NRXN3: variants seen among roughly 807,000 people sequenced by gnomAD.
NRXN3 encodes neurexin III.
Under a neutral mutation model 137.6 loss-of-function variants are expected in NRXN3, and 32 were observed. The ratio of observed to expected loss-of-function variants is 0.23; its 90% CI spans 0.18 to 0.31. The LOEUF (loss-of-function observed/expected upper bound fraction) is 0.31. NRXN3 is among the 10% of genes least tolerant of loss of function. The pLI, the probability that NRXN3 is intolerant of heterozygous loss-of-function variation, is 1.00. For synonymous variants in NRXN3, 798 were observed against 784.5 expected, an observed-to-expected ratio of 1.02 and a Z score of -0.29; for missense variants, 1,574 against 2,062.5, an observed-to-expected ratio of 0.76 and a Z score of 4.59.
intron 15 of NRXN3, among the ~76,000 whole-genome samples, chr14:79,071,125 C>A (rs756318117): frequency 6.6e-6 from 1 of 150,410 alleles, no homozygotes; most frequent in Non-Finnish European, 1.5e-5. Flanking sequence ...CTATCAAATA[C>A]CCCTAAGTAT....
At chr14:78,412,794 TG>T (rs762678721) in intron 4 of NRXN3, among the ~76,000 whole-genome samples, 5 of 152,164 alleles carry the variant, frequency 3.3e-5, no homozygotes, top group African/African-American at 4.8e-5. Flanking sequence ...CTGCATCCCC[TG>T]TAGTTTCATT....
chr14:79,034,253 G>T (rs1200951174), intron 15 of NRXN3, among the ~76,000 whole-genome samples: 4 of 151,666 alleles, frequency 2.6e-5, no homozygotes, highest in African/African-American at 9.7e-5. Flanking sequence ...TTCAAAAATA[G>T]AAACTTTTTA....
At chr14:78,377,807 T>G (rs2088180416) in intron 4 of NRXN3, among the ~76,000 whole-genome samples, 1 of 152,202 alleles carries the variant, frequency 6.6e-6, no homozygotes, top group Non-Finnish European at 1.5e-5. Context: ...TTAAAAGATT[T>G]TGTCTCCAAA....
At chr14:78,861,339 T>C (rs2099071872) in intron 10 of NRXN3, among the ~76,000 whole-genome samples, 1 of 152,184 alleles carries the variant, frequency 6.6e-6, no homozygotes, top group African/African-American at 2.4e-5. Context: ...TATCTATATA[T>C]ACCAATAAAC....
At chr14:79,612,673 G>A (rs995740210) in intron 16 of NRXN3, among the ~76,000 whole-genome samples, 5 of 152,044 alleles carry the variant, frequency 3.3e-5, no homozygotes, top group African/African-American at 1.2e-4. Flanking sequence ...ACACAGTGAG[G>A]CATGCATCTC....
chr14:79,499,242 A>G (rs960674391), intron 16 of NRXN3, among the ~76,000 whole-genome samples: 22 of 152,148 alleles, frequency 1.4e-4, no homozygotes, highest in African/African-American at 5.1e-4. Context: ...CTCCTCGTCT[A>G]CCACTTTCCT....
At chr14:79,074,269 AT>A (rs1454649727) in intron 15 of NRXN3, among the ~76,000 whole-genome samples, 1 of 152,178 alleles carries the variant, frequency 6.6e-6, no homozygotes, top group Non-Finnish European at 1.5e-5. Context: ...TGCCCAATGT[AT>A]TTCAAAGGGT....
At chr14:78,592,799 G>A (rs2097128017) in intron 4 of NRXN3, among the ~76,000 whole-genome samples, 1 of 152,136 alleles carries the variant, frequency 6.6e-6, no homozygotes, top group Admixed American at 6.5e-5. Context: ...CGTGACAACT[G>A]GGGACTCGAT....
chr14:78,559,038 T>G (rs2096763718), intron 4 of NRXN3, among the ~76,000 whole-genome samples: 1 of 152,218 alleles, frequency 6.6e-6, no homozygotes, highest in African/African-American at 2.4e-5. Flanking sequence ...CTTTTGACCT[T>G]GGGTGAAGAG....
At chr14:79,673,186 G>A (rs749455468) in intron 17 of NRXN3, among the ~76,000 whole-genome samples, 12 of 152,140 alleles carry the variant, frequency 7.9e-5, no homozygotes, top group Non-Finnish European at 1.6e-4. Context: ...GGACAAAGCG[G>A]CACTTTGAGT....
At chr14:79,482,425 C>A (rs1364558953) in intron 16 of NRXN3, among the ~76,000 whole-genome samples, 2 of 152,110 alleles carry the variant, frequency 1.3e-5, no homozygotes, top group Non-Finnish European at 2.9e-5. Flanking sequence ...TGACTGTAAT[C>A]AAAAAAGCAC....
chr14:78,389,469 T>A (rs926740011), intron 4 of NRXN3, among the ~76,000 whole-genome samples: 8 of 152,212 alleles, frequency 5.3e-5, no homozygotes, highest in Admixed American at 2.6e-4. Flanking sequence ...CCTTCATTAC[T>A]GCTGAGGGGT....
At chr14:78,969,665 G>A (rs760664209) in intron 14 of NRXN3, among the ~76,000 whole-genome samples, 1 of 152,186 alleles carries the variant, frequency 6.6e-6, no homozygotes, top group Non-Finnish European at 1.5e-5. Context: ...CTGACTTGGA[G>A]TTATGGAAAT....
intron 7 of NRXN3, among the ~76,000 whole-genome samples, chr14:78,713,172 T>TC (rs1330009902): frequency 1.3e-5 from 2 of 152,212 alleles, no homozygotes; most frequent in African/African-American, 4.8e-5. Flanking sequence ...AGGACTAGAA[T>TC]CCCTGCTCTC....
chr14:78,268,022 G>A (rs2072075545), intron 2 of NRXN3, among the ~76,000 whole-genome samples: 1 of 152,194 alleles, frequency 6.6e-6, no homozygotes, highest in Non-Finnish European at 1.5e-5. Flanking sequence ...GTGGTAAATT[G>A]TAAACCTCCC....
chr14:78,775,078 G>A (rs1298091221), intron 8 of NRXN3, among the ~76,000 whole-genome samples: 3 of 152,044 alleles, frequency 2.0e-5, no homozygotes, highest in East Asian at 3.9e-4. Flanking sequence ...TATCCTGAAG[G>A]TATTTATTTT....
At chr14:78,636,548 T>G (rs1345308928) in intron 4 of NRXN3, among the ~76,000 whole-genome samples, 1 of 152,058 alleles carries the variant, frequency 6.6e-6, no homozygotes, top group Non-Finnish European at 1.5e-5. Context: ...AATGATCTCT[T>G]CTGGGGAATG....
At chr14:78,193,213 T>A (rs2060906620) in intron 1 of NRXN3, among the ~76,000 whole-genome samples, 1 of 152,174 alleles carries the variant, frequency 6.6e-6, no homozygotes, top group Admixed American at 6.5e-5. Flanking sequence ...GGAAGATTAG[T>A]GCTAAATTAA....
chr14:79,758,905 GC>G (rs2099029133), intron 19 of NRXN3, among the ~76,000 whole-genome samples: 1 of 152,166 alleles, frequency 6.6e-6, no homozygotes, highest in African/African-American at 2.4e-5. Context: ...CATTTAAACT[GC>G]AAGAGACTCA....
Sources: gnomAD v4.1 joint callset for allele counts (sites outside exome capture counted in the v4.1 genomes callset) on GRCh38, gnomAD v4.1.1 for gene constraint, MANE v1.5 for transcripts, NCBI Gene and HGNC (gene_info 2026-07-23, HGNC 2026-07-21) for gene names.